The following CALML4 variants were observed in gnomAD, a reference collection of about 807,000 sequenced individuals.
CALML4 encodes the protein calmodulin-like protein 4.
In CALML4, 16 loss-of-function variants were observed where a neutral mutation model predicts 17.9. That is an observed-to-expected ratio of 0.89 (90% CI 0.61 to 1.36). CALML4 has a LOEUF of 1.36. Among genes scored for constraint, CALML4 ranks in the 40% most tolerant of loss-of-function variants. The pLI is 0.00. For synonymous variants in CALML4, 86 were observed against 71.5 expected (o/e 1.20, Z -1.02); for missense variants, 203 against 194.8 (o/e 1.04, Z -0.25).
Position 68,205,043 on chromosome 15 carries a change from G to C in CALML4, c.34+78C>G, listed in dbSNP as rs2093177509. Reference sequence around the variant, plus strand: ...CCACAGCCACCTTCCTTCCCACCAAGAAAACATGAGCAGAGCAAATTGCCT... The same window carrying C: ...CCACAGCCACCTTCCTTCCCACCAACAAAACATGAGCAGAGCAAATTGCCT... On this transcript the variant is annotated intron_variant, in intron 2 of 4. Transcript: ENST00000467889. The surrounding 1 kb of genome is among the most constrained non-coding windows in gnomAD (Gnocchi z 4.8). 1.3e-6 allele frequency: 2 copies of C among 1,547,062 alleles called. No homozygotes were observed. The highest frequency in any genetic ancestry group is 1.8e-6 in the Non-Finnish European group (2 of 1,121,962).
Position 68,192,291 on chromosome 15 carries a change from T to C in CALML4, c.*1724A>G, listed in dbSNP as rs2093123919. 6.6e-6 allele frequency: 1 copy of C among 152,196 alleles called. No homozygotes were observed. The highest frequency in any genetic ancestry group is 2.4e-5 in the African/African-American group (1 of 41,446). 9.4% of individuals were successfully genotyped at this position (152,196 alleles called of 1,614,324 possible). A position where few individuals can be genotyped will look rare whatever the true frequency, so the allele number is the denominator to read the frequency against. On this transcript the variant is annotated 3_prime_UTR_variant, in exon 5 of 5. Coordinates refer to ENST00000467889, the MANE Select transcript of CALML4 (RefSeq NM_033429.3). Reference sequence around the variant, plus strand: ...AGCATCTAACCGGCCCTCTGGTGGATTTACCATGAAGGTAATGAAGTTTAA... The same window carrying C: ...AGCATCTAACCGGCCCTCTGGTGGACTTACCATGAAGGTAATGAAGTTTAA...
In CALML4 at chr15:68,200,746, G is replaced by A. The variant is rs11857621; in HGVS notation, c.35-1065C>T. ...TCTCTCCTGCTTCTCACACCACCCA[G>A]GTAGGTCCTTAGAGGCCTGGACAAT... On this transcript the variant is annotated intron_variant, in intron 2 of 4. Coordinates refer to ENST00000467889, the MANE Select transcript of CALML4 (RefSeq NM_033429.3). The surrounding 1 kb of genome is among the most constrained non-coding windows in gnomAD (Gnocchi z 4.3). Among the ~76,000 whole-genome samples the A allele has an allele frequency of 0.013, 1,959 of 152,294 alleles. 49 individuals carry two copies. The highest frequency in any genetic ancestry group is 0.044 in the African/African-American group (1,827 of 41,568).
chr15:68,203,202 G>A (rs951988239), intron 2 of CALML4, among the ~76,000 whole-genome samples: 14 of 152,210 alleles, frequency 9.2e-5, no homozygotes, highest in South Asian at 2.1e-4. Flanking sequence ...CACATGCCTC[G>A]GCCTCCCAAA....
upstream of CALML4, chr15:68,205,980 G>T (rs2093182802): frequency 1.3e-5 from 2 of 153,932 alleles, no homozygotes; most frequent in South Asian, 4.0e-4. This position sits in a 1 kb window ranked among gnomAD's most constrained non-coding sequence, Gnocchi z 4.8. Context: ...GGTGGTGGAG[G>T]GGCCTGAGCC....
chr15:68,193,835 T>G lies in CALML4; in HGVS notation c.*180A>C. 1.7e-6 allele frequency: 1 copy of G among 576,774 alleles called. No individual in the cohort carries two copies. The highest frequency in any genetic ancestry group is 2.3e-5 in the South Asian group (1 of 43,412). The allele number at this position is 576,774 out of a possible 1,614,324, so 35.7% of individuals were successfully genotyped here. On this transcript the variant is annotated 3_prime_UTR_variant, in exon 5 of 5. Transcript: ENST00000467889. ...ATCAATACAAATCTTTTATTAAAGA[T>G]CTACTCATACCATGGCTGAAATCAT...
chr15:68,204,514 T>C lies in CALML4; in HGVS notation c.34+607A>G, dbSNP rs2141131571. Among the ~76,000 whole-genome samples, 1 of 152,232 alleles carries C rather than the reference T, an allele frequency of 6.6e-6. No homozygotes were observed. The highest frequency in any genetic ancestry group is 1.9e-4 in the East Asian group (1 of 5,174). ...CTGGCTCAGGTCTGGGCCCCCAAGT[T>C]CTTTGTAACGCAACTCTTTGCTCTT... On this transcript the variant is annotated intron_variant, in intron 2 of 4. Transcript: ENST00000467889. The surrounding 1 kb of genome is among the most constrained non-coding windows in gnomAD (Gnocchi z 6.0).
chr15:68,205,670 C>A (rs1029497116), upstream of CALML4: 2 of 395,328 alleles, frequency 5.1e-6, no homozygotes, highest in Non-Finnish European at 9.5e-6. The surrounding 1 kb of genome is among the most constrained non-coding windows in gnomAD (Gnocchi z 4.8). Context: ...GAAGGCTCCT[C>A]ACACACCATC....
At chr15:68,202,639 C>T (rs1281861986) in intron 2 of CALML4, among the ~76,000 whole-genome samples, 1 of 137,948 alleles carries the variant, frequency 7.2e-6, no homozygotes, top group Non-Finnish European at 1.5e-5. Flanking sequence ...ATGAGTTTTG[C>T]CAACTTTTTT....
Position 68,193,789 on chromosome 15 carries a change from G to A in CALML4, c.*226C>T, listed in dbSNP as rs537399134. On this transcript the variant is annotated 3_prime_UTR_variant, in exon 5 of 5. Coordinates refer to ENST00000467889, the MANE Select transcript of CALML4 (RefSeq NM_033429.3). The stretch of plus-strand genomic sequence containing the variant: ...GGCTCCTTCCATGCTTGAAAGGGCC[G>A]GACTCACGGTAGTTAATAAAATCAA... 229 of 464,534 alleles carry A rather than the reference G, an allele frequency of 4.9e-4. 1 individual carries two copies. The highest frequency in any genetic ancestry group is 3.9e-3 in the African/African-American group (199 of 50,696). The allele number at this position is 464,534 out of a possible 1,614,324, so 28.8% of individuals were successfully genotyped here. A position where few individuals can be genotyped will look rare whatever the true frequency, so the allele number is the denominator to read the frequency against.
chr15:68,197,093 G>A lies in CALML4; in HGVS notation c.364+347C>T, dbSNP rs930500962. On this transcript the variant is annotated intron_variant, in intron 4 of 4. Transcript: ENST00000467889. The surrounding 1 kb of genome is among the most constrained non-coding windows in gnomAD (Gnocchi z 4.1). ...TCTTTATCAGTAGGAGCAGGCATTT[G>A]TGCTCCCAGGGGTGTCATGCACTAG... Among the ~76,000 whole-genome samples the A allele has an allele frequency of 2.6e-5, 4 of 152,064 alleles. No individual in the cohort carries two copies. The highest frequency in any genetic ancestry group is 9.7e-5 in the African/African-American group (4 of 41,394).
rs1013873342 is a variant in CALML4, at chr15:68,193,866, ATT to A, written c.*147_*148del. On this transcript the variant is annotated 3_prime_UTR_variant, in exon 5 of 5. Transcript: ENST00000467889. Reference sequence around the variant, plus strand: ...CATACCATGGCTGAAATCATCTATTATTGTTGCTAGTTAGCCTCTCTTCTATA... The same window carrying A: ...CATACCATGGCTGAAATCATCTATTAGTTGCTAGTTAGCCTCTCTTCTATA... 2.1e-5 allele frequency: 13 copies of A among 613,284 alleles called. No individual in the cohort carries two copies. Among genetic ancestry groups the A allele is most frequent in the African/African-American group, 2.0e-4 (11 of 54,080 alleles). The allele number at this position is 613,284 out of a possible 1,614,324, so 38.0% of individuals were successfully genotyped here.
rs148363800 is a variant in CALML4, at chr15:68,202,482, T to C, written c.34+2639A>G. Among the ~76,000 whole-genome samples the C allele has an allele frequency of 4.9e-3, 749 of 152,198 alleles. 10 individuals carry two copies. Among genetic ancestry groups the C allele is most frequent in the African/African-American group, 0.017 (723 of 41,510 alleles). On this transcript the variant is annotated intron_variant, in intron 2 of 4. Coordinates refer to ENST00000467889, the MANE Select transcript of CALML4 (RefSeq NM_033429.3). The stretch of plus-strand genomic sequence containing the variant: ...TGTTTTGTGTGTGGTGGTGCATGCC[T>C]GTAGTCCCAGCTACTCAGGAGACAG...
chr15:68,205,853 CTG>C (rs2093182312), upstream of CALML4: 1 of 181,434 alleles, frequency 5.5e-6, no homozygotes, highest in Non-Finnish European at 1.2e-5. This position sits in a 1 kb window ranked among gnomAD's most constrained non-coding sequence, Gnocchi z 4.8. Flanking sequence ...CTACCTCAGT[CTG>C]TGCCTCAGTT....
Position 68,205,170 on chromosome 15 carries a change from AAC to A in CALML4, c.4-21_4-20del, listed in dbSNP as rs1298404720. On this transcript the variant is annotated intron_variant, in intron 1 of 4. Transcript: ENST00000467889. This position sits in a 1 kb window ranked among gnomAD's most constrained non-coding sequence, Gnocchi z 4.8. ...ACTTGGCCTGCAGCAGAGAAAGGAA[AAC>A]AGTCAGGGGAGGGCTCCACCTGAGG... 6.8e-6 allele frequency: 11 copies of A among 1,614,070 alleles called. No homozygotes were observed. The highest frequency in any genetic ancestry group is 1.7e-5 in the Admixed American group (1 of 60,008).
intron 2 of CALML4, 127 bp from the exon 3 acceptor site, chr15:68,199,808 C>T: frequency 9.6e-7 from 1 of 1,038,652 alleles, no homozygotes. Flanking sequence ...CCCTCTCTCC[C>T]CTCCCAAGGG....
Position 68,195,616 on chromosome 15 carries a change from C to A in CALML4, c.365-1504G>T, listed in dbSNP as rs189019218. Among the ~76,000 whole-genome samples, 38 of 152,236 alleles carry A rather than the reference C, an allele frequency of 2.5e-4. No individual in the cohort carries two copies. In the East Asian group the frequency reaches 3.7e-3, roughly 15 times the overall value. Reference sequence around the variant, plus strand: ...AGAAAGCCAAAGTGCTAAAGTCAGCCCATCCCAGGCCTCAGGAGAAGGCTT... The same window carrying A: ...AGAAAGCCAAAGTGCTAAAGTCAGCACATCCCAGGCCTCAGGAGAAGGCTT... On this transcript the variant is annotated intron_variant, in intron 4 of 4. Transcript: ENST00000467889.
rs74020075 is a variant in CALML4, at chr15:68,200,664, G to A, written c.35-983C>T. On this transcript the variant is annotated intron_variant, in intron 2 of 4. Coordinates refer to ENST00000467889, the MANE Select transcript of CALML4 (RefSeq NM_033429.3). This position sits in a 1 kb window ranked among gnomAD's most constrained non-coding sequence, Gnocchi z 4.3. ...GGCACCCGGGCCTGTGGGTGGAGCC[G>A]TGGAAACACAGTGGCCTGGCGCTGG... Among the ~76,000 whole-genome samples the A allele has an allele frequency of 0.019, 2,954 of 152,156 alleles. 95 individuals are homozygous for A. Among genetic ancestry groups the A allele is most frequent in the African/African-American group, 0.066 (2,734 of 41,500 alleles).
At chr15:68,201,044 AG>A (rs2093164033) in intron 2 of CALML4, among the ~76,000 whole-genome samples, 1 of 152,134 alleles carries the variant, frequency 6.6e-6, no homozygotes, top group South Asian at 2.1e-4. Context: ...AGCCCAGACC[AG>A]GGGTCCCTTC....
At chr15:68,196,091 C>T (rs1039774209) in intron 4 of CALML4, among the ~76,000 whole-genome samples, 3 of 152,196 alleles carry the variant, frequency 2.0e-5, no homozygotes, top group African/African-American at 7.2e-5. Flanking sequence ...TTCTGTCACC[C>T]AAGCTGGAGT....
Sources: gnomAD v4.1 joint callset for allele counts (sites outside exome capture counted in the v4.1 genomes callset) on GRCh38, gnomAD v4.1.1 for gene constraint, Gnocchi (gnomAD v3.1) non-coding constraint, MANE v1.5 for transcripts, NCBI Gene and HGNC (gene_info 2026-07-23, HGNC 2026-07-21) for gene names.